The following HSPA12A variants were observed in gnomAD, a reference collection of about 807,000 sequenced individuals.
HSPA12A encodes heat shock 70 kDa protein 12A.
HSPA12A carries 28 observed loss-of-function variants against 69.2 expected under a neutral mutation model. That is an observed-to-expected ratio of 0.40 (90% confidence interval 0.30 to 0.55). The LOEUF (loss-of-function observed/expected upper bound fraction) is 0.55. Among genes scored for constraint, HSPA12A ranks in the 20% least tolerant of loss-of-function variants. HSPA12A has a pLI of 0.38. For synonymous variants in HSPA12A, 345 were observed against 370.5 expected (o/e 0.93, Z 0.79); for missense variants, 686 against 900.7 (o/e 0.76, Z 3.05).
At chr10:116,745,075 A>G (rs1055435138), upstream of HSPA12A, among the ~76,000 whole-genome samples, 18 of 152,144 alleles carry the variant, frequency 1.2e-4, no homozygotes, top group Admixed American at 3.3e-4. Context: ...ATCCTTCAAG[A>G]GAATCAATCA....
chr10:116,796,585 T>C (rs1386593373), intron 2 of HSPA12A, among the ~76,000 whole-genome samples: 1 of 152,150 alleles, frequency 6.6e-6, no homozygotes, highest in East Asian at 1.9e-4. Context: ...CTGATGAGGT[T>C]AGAAAGTTGT....
chr10:116,695,906 G>A (rs1849882686), intron 5 of HSPA12A, among the ~76,000 whole-genome samples: 2 of 149,934 alleles, frequency 1.3e-5, no homozygotes, highest in South Asian at 4.2e-4. Context: ...GGGAGGCTGA[G>A]GCAAGGGAAT....
At position 116,682,459 on chromosome 10, in the gene HSPA12A, G is replaced by GT. The variant is rs1205946711; in HGVS notation, c.836-583_836-582insA. Among the ~76,000 whole-genome samples, 258 of 151,890 alleles carry GT rather than the reference G, an allele frequency of 1.7e-3. 1 individual carries two copies. The highest frequency in any genetic ancestry group is 6.0e-3 in the African/African-American group (247 of 41,340). On this transcript the variant is annotated intron_variant, in intron 7 of 11. Coordinates refer to ENST00000369209, the MANE Select transcript of HSPA12A (RefSeq NM_025015.3). ...ATGCACCCTGGGTAAATAGACTGGG[G>GT]GGGGGGGCCATTTCCTGACCCAGCT...
At chr10:116,778,993 T>C (rs1554891471) in intron 2 of HSPA12A, among the ~76,000 whole-genome samples, 13 of 152,168 alleles carry the variant, frequency 8.5e-5, no homozygotes. Context: ...TGGAAGGGTC[T>C]GTCTGCCCTT....
intron 2 of HSPA12A, among the ~76,000 whole-genome samples, chr10:116,776,842 T>G (rs754126441): frequency 2.0e-5 from 3 of 152,212 alleles, no homozygotes; most frequent in Non-Finnish European, 4.4e-5. Flanking sequence ...CCTTAAAAGT[T>G]TGATGCAAAT....
intron 1 of HSPA12A, among the ~76,000 whole-genome samples, chr10:116,712,977 AATAT>A (rs56007651): frequency 0.11 from 8,538 of 80,764 alleles, 693 homozygotes; most frequent in Middle Eastern, 0.18. Context: ...TAAAAAATGC[AATAT>A]ATATATATAT....
At chr10:116,700,004 C>T (rs931511399) in intron 4 of HSPA12A, among the ~76,000 whole-genome samples, 1 of 152,232 alleles carries the variant, frequency 6.6e-6, no homozygotes, top group Admixed American at 6.5e-5. Context: ...TTGACTAGAA[C>T]TTAATCTGCA....
chr10:116,849,566 C>T, exon 1 of HSPA12A: 1 of 1,538,514 alleles, frequency 6.5e-7, no homozygotes, highest in Non-Finnish European at 8.8e-7. Flanking sequence ...AATCTCCTAC[C>T]ATGGAGGAAG....
chr10:116,824,694 G>A (rs566951717), intron 2 of HSPA12A, among the ~76,000 whole-genome samples: 23 of 152,300 alleles, frequency 1.5e-4, no homozygotes, highest in African/African-American at 4.8e-4. Context: ...GAGTGCAGTC[G>A]CATGATCTCG....
chr10:116,709,146 A>C (rs973112992), intron 1 of HSPA12A, among the ~76,000 whole-genome samples: 3 of 152,230 alleles, frequency 2.0e-5, no homozygotes, highest in Non-Finnish European at 4.4e-5. Flanking sequence ...TCCAGTGTCC[A>C]ACAACAGATG....
In HSPA12A at chr10:116,687,294, G is replaced by A. The variant is rs1313827384; in HGVS notation, c.664-3332C>T. Among the ~76,000 whole-genome samples the A allele has an allele frequency of 7.9e-5, 12 of 152,294 alleles. No homozygotes were observed. In the East Asian group the frequency reaches 1.9e-3, roughly 25 times the overall value. ...CAAGATGAGGATGCAGGTGGGAAGCGAAGGTGAAGAGGACCCCACTCCTGA... is the reference window on the plus strand; with the variant it reads ...CAAGATGAGGATGCAGGTGGGAAGCAAAGGTGAAGAGGACCCCACTCCTGA... On this transcript the variant is annotated intron_variant, in intron 6 of 11. Coordinates refer to ENST00000369209, the MANE Select transcript of HSPA12A (RefSeq NM_025015.3).
intron 2 of HSPA12A, among the ~76,000 whole-genome samples, chr10:116,815,320 C>A (rs1845281618): frequency 6.6e-6 from 1 of 150,420 alleles, no homozygotes; most frequent in South Asian, 2.1e-4. Flanking sequence ...CAATCCCACA[C>A]TTTGGGAGGC....
intron 2 of HSPA12A, among the ~76,000 whole-genome samples, chr10:116,809,372 C>T (rs4752013): frequency 6.6e-6 from 1 of 152,024 alleles, no homozygotes; most frequent in Non-Finnish European, 1.5e-5. Flanking sequence ...CGGAGTCAGA[C>T]ACACCTGGAT....
chr10:116,740,660 GTGTGTGTGTGTGTGTC>G (rs879959476), intron 1 of HSPA12A, among the ~76,000 whole-genome samples: 22,106 of 60,070 alleles, frequency 0.37, 1,855 homozygotes, highest in South Asian at 0.45. Context: ...GTGTGTGTGT[GTGTGTGTGTGTGTGTC>G]TGTGTGTGTG....
intron 7 of HSPA12A, 49 bp downstream of exon 7, chr10:116,683,742 G>A (rs1554879026): frequency 6.9e-7 from 1 of 1,447,840 alleles, no homozygotes; most frequent in Non-Finnish European, 9.3e-7. Flanking sequence ...AGACATCCAG[G>A]GCTTGGGAAG....
intron 1 of HSPA12A, among the ~76,000 whole-genome samples, chr10:116,719,870 T>G (rs1214396110): frequency 3.3e-5 from 5 of 152,174 alleles, no homozygotes; most frequent in Admixed American, 2.6e-4. Flanking sequence ...GCTCCTTGTC[T>G]CTACCACATT....
Position 116,674,916 on chromosome 10 carries a change from G to C in HSPA12A, c.1893C>G (p.Thr631=). ...TCCGGGCGGGCACCGCAGTGCCACTGGTCCCTGTGAGATCCAGGCGGAGCG... is the reference window on the plus strand; with the variant it reads ...TCCGGGCGGGCACCGCAGTGCCACTCGTCCCTGTGAGATCCAGGCGGAGCG... ...CGTLRLDLTG[T]SGTAVPARRE... Residue 631 remains threonine (T), a synonymous_variant, in exon 12 of 12, where the codon ACC becomes ACG. Transcript: ENST00000369209. The C allele has an allele frequency of 6.2e-7, 1 of 1,614,170 alleles. No individual in the cohort carries two copies. The highest frequency in any genetic ancestry group is 1.1e-5 in the South Asian group (1 of 91,082).
intron 2 of HSPA12A, among the ~76,000 whole-genome samples, chr10:116,796,789 C>T (rs894459960): frequency 6.6e-6 from 1 of 152,040 alleles, no homozygotes; most frequent in African/African-American, 2.4e-5. Context: ...CTGAAGCAAC[C>T]CAAGGACAGC....
chr10:116,741,705 G>T (rs1326732909), intron 1 of HSPA12A, among the ~76,000 whole-genome samples: 3 of 151,798 alleles, frequency 2.0e-5, no homozygotes, highest in African/African-American at 4.8e-5. Context: ...CCCTAATCAC[G>T]CTCCCCAAAG....
Sources: allele counts gnomAD v4.1 joint callset (sites outside exome capture counted in the v4.1 genomes callset), GRCh38; gene constraint gnomAD v4.1.1; transcripts MANE v1.5; gene names NCBI Gene and HGNC (gene_info 2026-07-23, HGNC 2026-07-21).